Variants in DPP10 observed in about 807,000 individuals in gnomAD.
The protein encoded by DPP10 is dipeptidyl peptidase like 10, also known as inactive dipeptidyl peptidase 10.
Under a neutral mutation model 120.9 loss-of-function variants are expected in DPP10, and 33 were observed. That is an observed-to-expected ratio of 0.27 (90% CI 0.21 to 0.37). The LOEUF (loss-of-function observed/expected upper bound fraction) is 0.37, where lower values mean the gene tolerates loss of function less well. DPP10 is among the 10% of genes least tolerant of loss of function. The probability of loss-of-function intolerance (pLI) is 1.00; values close to 1 mark genes in which losing one functional copy is unlikely to be tolerated. For missense variants in DPP10, 816 were observed against 942.8 expected, an observed-to-expected ratio of 0.87 and a Z score of 1.76; for synonymous variants, 337 against 326.1, an observed-to-expected ratio of 1.03 and a Z score of -0.36.
intron 2 of DPP10, among the ~76,000 whole-genome samples, chr2:115,325,332 A>G (rs866892795): frequency 2.6e-5 from 4 of 152,164 alleles, no homozygotes; most frequent in Non-Finnish European, 5.9e-5. Flanking sequence ...TTGTTTAGTG[A>G]AAGTTCTTGA....
chr2:115,122,513 C>G (rs1400173), intron 1 of DPP10, among the ~76,000 whole-genome samples: 1 of 152,200 alleles, frequency 6.6e-6, no homozygotes, highest in Admixed American at 6.5e-5. Flanking sequence ...TCAGAGCATT[C>G]TAGAAGTTAC....
intron 2 of DPP10, among the ~76,000 whole-genome samples, chr2:115,327,052 C>G (rs2062408113): frequency 6.6e-6 from 1 of 152,046 alleles, no homozygotes; most frequent in African/African-American, 2.4e-5. Flanking sequence ...TTGAAGTGCC[C>G]TATCCAGGTG....
intron 1 of DPP10, among the ~76,000 whole-genome samples, chr2:114,663,058 A>T (rs1057288661): frequency 3.3e-5 from 5 of 152,106 alleles, no homozygotes; most frequent in Non-Finnish European, 7.4e-5. Context: ...AGACACATAT[A>T]TGTGTATACA....
At chr2:114,554,698 A>G (rs900075426) in intron 1 of DPP10, among the ~76,000 whole-genome samples, 9 of 152,198 alleles carry the variant, frequency 5.9e-5, no homozygotes, top group Non-Finnish European at 1.3e-4. Flanking sequence ...TGTCCTCAAA[A>G]CATCTCCCTT....
At chr2:115,694,475 AG>A (rs2091478119) in intron 7 of DPP10, among the ~76,000 whole-genome samples, 1 of 152,208 alleles carries the variant, frequency 6.6e-6, no homozygotes, top group African/African-American at 2.4e-5. Context: ...AATAGCACTA[AG>A]TGTGAGTAAA....
At chr2:114,797,520 CAATA>C (rs1683818662) in intron 1 of DPP10, among the ~76,000 whole-genome samples, 2 of 152,142 alleles carry the variant, frequency 1.3e-5, no homozygotes, top group South Asian at 4.2e-4. Flanking sequence ...AGGAAGTAGT[CAATA>C]AATAAGTAAA....
chr2:115,777,637 A>C (rs1283725936), intron 14 of DPP10, 150 bp from the exon 15 acceptor site: 2 of 821,100 alleles, frequency 2.4e-6, no homozygotes, highest in East Asian at 5.3e-5. Context: ...GTATTTTGAC[A>C]GTTTTAAAAA....
chr2:115,796,599 G>A (rs1021265571), intron 19 of DPP10, among the ~76,000 whole-genome samples: 14 of 152,048 alleles, frequency 9.2e-5, no homozygotes, highest in Admixed American at 6.6e-4. Context: ...AATGAGACGC[G>A]AGTTTCTAAT....
At chr2:114,754,107 A>G (rs1237417882) in intron 1 of DPP10, among the ~76,000 whole-genome samples, 2 of 152,094 alleles carry the variant, frequency 1.3e-5, no homozygotes, top group Non-Finnish European at 2.9e-5. Context: ...GAAAGAAGCT[A>G]GAGTTTTCTA....
intron 5 of DPP10, among the ~76,000 whole-genome samples, chr2:115,655,451 A>G (rs1294912676): frequency 6.6e-6 from 1 of 151,706 alleles, no homozygotes; most frequent in Non-Finnish European, 1.5e-5. Context: ...TGGTGTAAAA[A>G]TGAAATCATT....
intron 2 of DPP10, chr2:115,342,151 G>A (rs1007364536): frequency 2.4e-5 from 11 of 454,278 alleles, no homozygotes; most frequent in African/African-American, 2.2e-4. Context: ...AACTCATTAA[G>A]CACTCTCTAT....
chr2:115,003,569 G>T (rs1701601358), intron 1 of DPP10, among the ~76,000 whole-genome samples: 1 of 151,988 alleles, frequency 6.6e-6, no homozygotes, highest in Non-Finnish European at 1.5e-5. Context: ...TAAATTTTGT[G>T]AAGTCTTTAG....
intron 1 of DPP10, among the ~76,000 whole-genome samples, chr2:114,799,758 T>C (rs139109680): frequency 6.6e-6 from 1 of 152,264 alleles, no homozygotes; most frequent in Admixed American, 6.5e-5. Flanking sequence ...CCCTGAGAAA[T>C]ACCTAAGAAG....
rs553653224 is a variant in DPP10 at position 115,663,949 on chromosome 2, C to T, written c.442-25738C>T. 6.5e-3 allele frequency among the ~76,000 whole-genome samples: 985 copies of T among 151,898 alleles called. 13 individuals carry two copies. The highest frequency in any genetic ancestry group is 0.023 in the African/African-American group (938 of 41,448). ...GGCAGAGGTTGCAGTGAGCCGAGAT[C>T]GTGCCATTGCACTCCAGCCTGTGTG... On this transcript the variant is annotated intron_variant, in intron 5 of 25. Transcript: ENST00000410059.
At position 115,805,200 on chromosome 2, in the gene DPP10, G is replaced by A. The variant is rs776897432; in HGVS notation, c.1701-9593G>A. On this transcript the variant is annotated intron_variant, in intron 19 of 25. Coordinates refer to ENST00000410059, the MANE Select transcript of DPP10 (RefSeq NM_020868.6). The stretch of plus-strand genomic sequence containing the variant: ...TCAGACTGCTGTGCTAGCAATCAGC[G>A]AGGCTCGGTGGGCTTAGGACCCTCC... 3.9e-5 allele frequency among the ~76,000 whole-genome samples: 6 copies of A among 152,104 alleles called. 1 individual carries two copies. Among genetic ancestry groups the A allele is most frequent in the South Asian group, 4.1e-4 (2 of 4,826 alleles).
chr2:115,668,081 G>A (rs2089600361), intron 5 of DPP10, among the ~76,000 whole-genome samples: 1 of 151,984 alleles, frequency 6.6e-6, no homozygotes, highest in Non-Finnish European at 1.5e-5. Context: ...ATTTTGGTTA[G>A]AAGCCATATA....
At chr2:115,642,663 T>A (rs1054279663) in intron 5 of DPP10, among the ~76,000 whole-genome samples, 3 of 151,830 alleles carry the variant, frequency 2.0e-5, no homozygotes, top group Non-Finnish European at 4.4e-5. Context: ...TATCTCTCTA[T>A]CTCTCTCTCT....
intron 1 of DPP10, among the ~76,000 whole-genome samples, chr2:115,216,702 T>C (rs1178413024): frequency 6.6e-6 from 1 of 152,002 alleles, no homozygotes; most frequent in Non-Finnish European, 1.5e-5. Flanking sequence ...GAAAAATCAC[T>C]TGAACTCAGG....
chr2:114,973,907 A>G (rs1041935783), intron 1 of DPP10, among the ~76,000 whole-genome samples: 1 of 152,064 alleles, frequency 6.6e-6, no homozygotes, highest in Non-Finnish European at 1.5e-5. Context: ...TAAAAAGAAA[A>G]AAACTAAAAT....
Sources: gnomAD v4.1 joint callset for allele counts (sites outside exome capture counted in the v4.1 genomes callset) on GRCh38, gnomAD v4.1.1 for gene constraint, MANE v1.5 for transcripts, NCBI Gene and HGNC (gene_info 2026-07-23, HGNC 2026-07-21) for gene names.